The following MEI4 variants were observed in gnomAD, a reference collection of about 807,000 sequenced individuals.
MEI4 encodes meiosis-specific protein MEI4.
Under a neutral mutation model 31.4 loss-of-function variants are expected in MEI4, and 27 were observed. The observed-to-expected ratio is 0.86, with a 90% CI of 0.63 to 1.19. The LOEUF is 1.19. Ranked by LOEUF, MEI4 falls within the 50% of genes most tolerant of loss-of-function variation. The pLI, the probability that MEI4 is intolerant of heterozygous loss-of-function variation, is 0.00. For missense variants in MEI4, 329 were observed against 398.9 expected (o/e 0.82, Z 1.49); for synonymous variants, 122 against 145.4 (o/e 0.84, Z 1.16).
intron 3 of MEI4, among the ~76,000 whole-genome samples, chr6:77,802,614 G>T (rs933368577): frequency 2.6e-5 from 4 of 152,166 alleles, no homozygotes; most frequent in Admixed American, 6.5e-5. Context: ...GGCACCAGTT[G>T]TTCCTTTCCA....
rs538852264 is a variant in MEI4, at chr6:77,828,904, T to C, written c.769-27T>C. ...CATTTTGATTTGACGTGATGGAATA[T>C]AGAAACCTACTCATTTTTATCTTTA... is the stretch of plus-strand genomic sequence containing the variant. On this transcript the variant is annotated intron_variant, in intron 3 of 4. Transcript: ENST00000684080. 23 of 1,231,354 alleles carry C rather than the reference T, an allele frequency of 1.9e-5. No individual in the cohort carries two copies. In the African/African-American group the frequency reaches 3.4e-4, roughly 18 times the overall value. The allele number at this position is 1,231,354 out of a possible 1,614,324, so 76.3% of individuals were successfully genotyped here.
At chr6:77,786,951 C>T (rs1768751942) in intron 3 of MEI4, among the ~76,000 whole-genome samples, 1 of 152,178 alleles carries the variant, frequency 6.6e-6, no homozygotes, top group East Asian at 1.9e-4. Context: ...GCAGTCCTGC[C>T]TGCACAGCTG....
chr6:77,805,845 C>T (rs1359456072), intron 3 of MEI4, among the ~76,000 whole-genome samples: 1 of 151,996 alleles, frequency 6.6e-6, no homozygotes, highest in Non-Finnish European at 1.5e-5. Context: ...CAAGGACTTA[C>T]ATGAAGATTT....
chr6:77,732,817 A>G (rs1052004692), intron 2 of MEI4, among the ~76,000 whole-genome samples: 4 of 152,032 alleles, frequency 2.6e-5, no homozygotes, highest in African/African-American at 4.8e-5. Flanking sequence ...TACCTAATTT[A>G]TTCAGAGTTT....
intron 2 of MEI4, among the ~76,000 whole-genome samples, chr6:77,709,944 AG>A (rs1248469503): frequency 3.3e-5 from 5 of 152,114 alleles, no homozygotes; most frequent in Non-Finnish European, 7.4e-5. Context: ...ATCAGTCCAA[AG>A]CAGGCCAAGT....
At chr6:77,670,653 T>A (rs982503889) in intron 1 of MEI4, among the ~76,000 whole-genome samples, 3 of 152,194 alleles carry the variant, frequency 2.0e-5, no homozygotes, top group Non-Finnish European at 2.9e-5. Flanking sequence ...TCATGCTTTT[T>A]CACCTCAGCA....
At chr6:77,851,277 A>T (rs1053448231) in intron 4 of MEI4, among the ~76,000 whole-genome samples, 1 of 152,168 alleles carries the variant, frequency 6.6e-6, no homozygotes, top group African/African-American at 2.4e-5. Context: ...CAGCCATCCC[A>T]TTACTGGGTA....
intron 2 of MEI4, among the ~76,000 whole-genome samples, chr6:77,693,285 G>A (rs777841240): frequency 4.6e-5 from 7 of 151,834 alleles, no homozygotes; most frequent in Non-Finnish European, 1.0e-4. Flanking sequence ...ATTTTTTCCT[G>A]TATAGTTATA....
chr6:77,668,316 A>G (rs1424848746), intron 1 of MEI4, among the ~76,000 whole-genome samples: 1 of 152,196 alleles, frequency 6.6e-6, no homozygotes, highest in Non-Finnish European at 1.5e-5. Flanking sequence ...CAAACCTGAG[A>G]TTAATAAGCA....
At chr6:77,702,371 A>T (rs10943479) in intron 2 of MEI4, among the ~76,000 whole-genome samples, 2 of 152,108 alleles carry the variant, frequency 1.3e-5, no homozygotes, top group Admixed American at 6.5e-5. Flanking sequence ...CTCAGTTCCC[A>T]TATAAGCTTT....
At chr6:77,799,320 A>G (rs910803227) in intron 3 of MEI4, among the ~76,000 whole-genome samples, 39 of 152,058 alleles carry the variant, frequency 2.6e-4, no homozygotes, top group Middle Eastern at 3.4e-3. Flanking sequence ...CATGTCCTTC[A>G]CCCACTTTTT....
At chr6:77,732,483 C>A (rs1767031799) in intron 2 of MEI4, among the ~76,000 whole-genome samples, 1 of 151,962 alleles carries the variant, frequency 6.6e-6, no homozygotes, top group Admixed American at 6.6e-5. Context: ...GATCTTGTAT[C>A]CTGAGACTTT....
At chr6:77,834,406 A>G (rs1770161478) in intron 4 of MEI4, among the ~76,000 whole-genome samples, 1 of 147,614 alleles carries the variant, frequency 6.8e-6, no homozygotes, top group Non-Finnish European at 1.5e-5. Flanking sequence ...ATAATATAAA[A>G]TTATATTATA....
chr6:77,651,272 G>A (rs972055735), upstream of MEI4, among the ~76,000 whole-genome samples: 6 of 152,188 alleles, frequency 3.9e-5, no homozygotes, highest in Admixed American at 1.3e-4. Flanking sequence ...AGCCACATAT[G>A]TATGGAGAAA....
intron 4 of MEI4, among the ~76,000 whole-genome samples, chr6:77,874,656 G>C (rs1221274112): frequency 6.6e-6 from 1 of 152,092 alleles, no homozygotes; most frequent in Non-Finnish European, 1.5e-5. Context: ...AATAGGAATG[G>C]TGAGAGAGGG....
chr6:77,787,968 T>G (rs1768792547), intron 3 of MEI4, among the ~76,000 whole-genome samples: 1 of 152,182 alleles, frequency 6.6e-6, no homozygotes, highest in African/African-American at 2.4e-5. Flanking sequence ...AATTGTCATT[T>G]TGTTGTGTCT....
At chr6:77,873,811 C>G (rs1771260466) in intron 4 of MEI4, among the ~76,000 whole-genome samples, 2 of 152,148 alleles carry the variant, frequency 1.3e-5, no homozygotes, top group South Asian at 4.1e-4. Context: ...CCAGTTTCAG[C>G]TTTCTACATA....
Position 77,804,296 on chromosome 6 carries a change from G to T in MEI4, c.769-24635G>T, listed in dbSNP as rs187385526. Among the ~76,000 whole-genome samples, 822 of 152,280 alleles carry T rather than the reference G, an allele frequency of 5.4e-3. 5 individuals carry two copies. The highest frequency in any genetic ancestry group is 8.9e-3 in the Non-Finnish European group (603 of 68,030). ...TCCTGGTGTGCCATTTGCTAAGACC[G>T]TTGGAAGAGCGCAGTATTAGGGTGG... On this transcript the variant is annotated intron_variant, in intron 3 of 4. Coordinates refer to ENST00000684080, the MANE Select transcript of MEI4 (RefSeq NM_001322247.2).
In MEI4 at chr6:77,699,037, C is replaced by A. The variant is rs866984174; in HGVS notation, c.232+8134C>A. ...TTCATTTCGTCTTCCATCACTGATA[C>A]CCTTTCTTCCAGTTGATCGCATCGG... is the stretch of plus-strand genomic sequence containing the variant. On this transcript the variant is annotated intron_variant, in intron 2 of 4. Transcript: ENST00000684080. Among the ~76,000 whole-genome samples, 191 of 152,160 alleles carry A rather than the reference C, an allele frequency of 1.3e-3. No individual in the cohort carries two copies. The Middle Eastern group carries it at 0.02, about 16-fold the overall frequency.
Sources: gnomAD v4.1 joint callset for allele counts (sites outside exome capture counted in the v4.1 genomes callset) on GRCh38, gnomAD v4.1.1 for gene constraint, MANE v1.5 for transcripts, NCBI Gene and HGNC (gene_info 2026-07-23, HGNC 2026-07-21) for gene names.